BTBD1: variants seen among roughly 807,000 people sequenced by gnomAD.
BTBD1 encodes the protein BTB/POZ domain-containing protein 1.
Under a neutral mutation model 48.0 loss-of-function variants are expected in BTBD1, and 34 were observed. The ratio of observed to expected loss-of-function variants is 0.71; its 90% CI spans 0.54 to 0.94. BTBD1 has a LOEUF of 0.94. Ranked by LOEUF, BTBD1 falls within the 40% of genes least tolerant of loss-of-function variation. BTBD1 has a pLI of 0.00. For missense variants in BTBD1, 543 were observed against 625.6 expected (o/e 0.87, Z 1.41); for synonymous variants, 261 against 242.1 (o/e 1.08, Z -0.72).
chr15:83,019,126 C>A (rs2032234283), intron 6 of BTBD1, among the ~76,000 whole-genome samples: 1 of 151,828 alleles, frequency 6.6e-6, no homozygotes. Flanking sequence ...GTGTTGGGGT[C>A]TCGGCTCACT....
chr15:83,055,603 T>C (rs1443557815), intron 2 of BTBD1, among the ~76,000 whole-genome samples: 2 of 152,202 alleles, frequency 1.3e-5, no homozygotes, highest in Non-Finnish European at 2.9e-5. Context: ...AGTGAAAACT[T>C]AAAAATGTCA....
chr15:83,032,374 C>G (rs2032534449), intron 4 of BTBD1, among the ~76,000 whole-genome samples: 1 of 151,666 alleles, frequency 6.6e-6, no homozygotes, highest in East Asian at 1.9e-4. Context: ...GCAATTCCAC[C>G]ACTGGATACC....
At chr15:83,029,600 G>C (rs2032477444) in intron 5 of BTBD1, 1 of 152,756 alleles carries the variant, frequency 6.5e-6, no homozygotes. Context: ...AGCTGGGCGT[G>C]GTGGCTCACC....
chr15:83,017,993 T>G lies in BTBD1; in HGVS notation c.*74A>C, dbSNP rs897553569. 9.6e-7 allele frequency: 1 copy of G among 1,040,362 alleles called. No individual in the cohort carries two copies. Among genetic ancestry groups the G allele is most frequent in the Non-Finnish European group, 1.3e-6 (1 of 743,070 alleles). 64.4% of individuals were successfully genotyped at this position (1,040,362 alleles called of 1,614,324 possible). A position where few individuals can be genotyped will look rare whatever the true frequency, so the allele number is the denominator to read the frequency against. ...TAAATATTCATAACACTCAAACTAC[T>G]TTTTTGTGGCCATTTATGTTTTTGA... On this transcript the variant is annotated 3_prime_UTR_variant, in exon 8 of 8. Transcript: ENST00000261721.
chr15:83,061,626 T>G (rs1490487959), intron 1 of BTBD1: 1 of 152,254 alleles, frequency 6.6e-6, no homozygotes, highest in African/African-American at 2.4e-5. Context: ...CTCGGAGTCA[T>G]GAGCCACGAA....
At position 83,032,513 on chromosome 15, in the gene BTBD1, G is replaced by A. The variant is rs1429792075; in HGVS notation, c.863-2185C>T. Among the ~76,000 whole-genome samples, 4 of 152,132 alleles carry A rather than the reference G, an allele frequency of 2.6e-5. No homozygotes were observed. In the East Asian group the frequency reaches 7.7e-4, roughly 29 times the overall value. ...CAACCAACAACTGGATGAAGAAAAT[G>A]TGGTATACATACACCATGGAATACT... On this transcript the variant is annotated intron_variant, in intron 4 of 7. Coordinates refer to ENST00000261721, the MANE Select transcript of BTBD1 (RefSeq NM_025238.4).
chr15:83,032,034 T>A (rs2032527657), intron 4 of BTBD1, among the ~76,000 whole-genome samples: 1 of 152,076 alleles, frequency 6.6e-6, no homozygotes, highest in Non-Finnish European at 1.5e-5. Context: ...CTTAAAGAAC[T>A]AAAAAGGACT....
In BTBD1 at chr15:83,034,642, A is replaced by G. The variant is rs572177124; in HGVS notation, c.863-4314T>C. On this transcript the variant is annotated intron_variant, in intron 4 of 7. Transcript: ENST00000261721. ...ATAAAATAAAAAACAAAAACCCACA[A>G]TAAGTTTAGATTTAAGATGAGATAG... 2.6e-5 allele frequency among the ~76,000 whole-genome samples: 4 copies of G among 152,200 alleles called. No homozygotes were observed. The South Asian group carries it at 6.2e-4, about 24-fold the overall frequency.
At chr15:83,026,508 T>A (rs188634568) in intron 5 of BTBD1, among the ~76,000 whole-genome samples, 3,293 of 147,576 alleles carry the variant, frequency 0.022, 56 homozygotes, top group Middle Eastern at 0.035. Context: ...TAAACCAGAT[T>A]TTTTAGTGCT....
In BTBD1 at chr15:83,018,293, A is replaced by C. The variant is rs2032212156; in HGVS notation, c.1291-68T>G. ...AGCACTCAGTTTAATGTGGTGTTTT[A>C]ATTAGATTAATGTTCCATTATATTT... On this transcript the variant is annotated intron_variant, in intron 7 of 7. Coordinates refer to ENST00000261721, the MANE Select transcript of BTBD1 (RefSeq NM_025238.4). 5.8e-6 allele frequency: 7 copies of C among 1,213,748 alleles called. No individual in the cohort carries two copies. In the African/African-American group the frequency reaches 9.2e-5, roughly 16 times the overall value. 75.2% of individuals were successfully genotyped at this position (1,213,748 alleles called of 1,614,324 possible).
At chr15:83,027,503 C>G (rs1410858843) in intron 5 of BTBD1, among the ~76,000 whole-genome samples, 1 of 152,190 alleles carries the variant, frequency 6.6e-6, no homozygotes, top group East Asian at 1.9e-4. Flanking sequence ...TCAACCTGCC[C>G]AAGAGCCAGA....
chr15:83,056,850 A>G (rs2033095214), intron 1 of BTBD1, among the ~76,000 whole-genome samples: 4 of 151,932 alleles, frequency 2.6e-5, no homozygotes, highest in Admixed American at 2.0e-4. Context: ...AGTTTGCACT[A>G]TCACACCTGG....
chr15:83,020,537 T>C (rs555203478), intron 6 of BTBD1, 138 bp downstream of exon 6: 2 of 622,116 alleles, frequency 3.2e-6, no homozygotes, highest in South Asian at 2.3e-5. Flanking sequence ...ACAGAACTCT[T>C]TATGCTTACA....
At chr15:83,044,739 G>A (rs2032844070) in intron 3 of BTBD1, 8 of 1,460,086 alleles carry the variant, frequency 5.5e-6, no homozygotes, top group Middle Eastern at 2.2e-4. Context: ...GAACAATGTC[G>A]CCTGTACTCG....
At chr15:83,021,986 C>T (rs1447261970) in intron 5 of BTBD1, among the ~76,000 whole-genome samples, 1 of 152,006 alleles carries the variant, frequency 6.6e-6, no homozygotes, top group African/African-American at 2.4e-5. Flanking sequence ...GCCCTATAAG[C>T]TAGATAACAG....
intron 5 of BTBD1, among the ~76,000 whole-genome samples, chr15:83,027,969 CTTTAT>C (rs2032443623): frequency 6.6e-6 from 1 of 152,070 alleles, no homozygotes; most frequent in African/African-American, 2.4e-5. Context: ...ATTTATTCCC[CTTTAT>C]ATTATAACTA....
At chr15:83,028,637 G>C (rs2032456894) in intron 5 of BTBD1, 3 of 152,072 alleles carry the variant, frequency 2.0e-5, no homozygotes, top group Non-Finnish European at 4.4e-5. Flanking sequence ...ACCTTGTGAA[G>C]GGACAGTTCT....
chr15:83,053,737 T>A (rs2033034181), intron 2 of BTBD1, among the ~76,000 whole-genome samples: 1 of 152,210 alleles, frequency 6.6e-6, no homozygotes, highest in Non-Finnish European at 1.5e-5. Context: ...TTATATGACT[T>A]TGGTCAAGTT....
At chr15:83,027,540 C>T (rs1326685829) in intron 5 of BTBD1, among the ~76,000 whole-genome samples, 1 of 152,198 alleles carries the variant, frequency 6.6e-6, no homozygotes, top group Non-Finnish European at 1.5e-5. Context: ...TGCACTGCCC[C>T]TCCCCTTCTC....
Sources: allele counts gnomAD v4.1 joint callset (sites outside exome capture counted in the v4.1 genomes callset), GRCh38; gene constraint gnomAD v4.1.1; transcripts MANE v1.5; gene names NCBI Gene and HGNC (gene_info 2026-07-23, HGNC 2026-07-21).